The following CHRDL1 variants were observed in gnomAD, a reference collection of about 807,000 sequenced individuals.
CHRDL1 encodes the protein chordin like 1.
In CHRDL1, 19 loss-of-function variants were observed where a neutral mutation model predicts 40.9. That is an observed-to-expected ratio of 0.46 (90% CI 0.32 to 0.68). The LOEUF (loss-of-function observed/expected upper bound fraction) is 0.68, where lower values mean the gene tolerates loss of function less well. Among genes scored for constraint, CHRDL1 ranks in the 30% least tolerant of loss-of-function variants. The probability of loss-of-function intolerance (pLI) is 0.03; values close to 1 mark genes in which losing one functional copy is unlikely to be tolerated. For missense variants in CHRDL1, 329 were observed against 352.1 expected (o/e 0.93, Z 0.53); for synonymous variants, 136 against 123.4 (o/e 1.10, Z -0.68).
At chrX:110,686,006 C>A (rs189799078) in intron 9 of CHRDL1, among the ~76,000 whole-genome samples, 4 of 108,340 alleles carry the variant, frequency 3.7e-5, no homozygotes, top group Non-Finnish European at 5.7e-5. Context: ...CACTTCAGCC[C>A]TCAGCCTCCC....
intron 2 of CHRDL1, among the ~76,000 whole-genome samples, chrX:110,790,337 G>A (rs1174339290): frequency 1.8e-5 from 2 of 112,119 alleles, no homozygotes; most frequent in Non-Finnish European, 3.8e-5. Flanking sequence ...TATCAAAAGG[G>A]CTTGGGACAA....
At chrX:110,759,572 C>T (rs974000502) in intron 4 of CHRDL1, 89 bp downstream of exon 4, 1 of 676,727 alleles carries the variant, frequency 1.5e-6, no homozygotes, top group African/African-American at 2.1e-5. Context: ...TGGAAGTTTC[C>T]CTTCTGGGGA....
intron 2 of CHRDL1, among the ~76,000 whole-genome samples, chrX:110,779,493 A>C (rs2089906551): frequency 9.0e-6 from 1 of 111,701 alleles, no homozygotes; most frequent in South Asian, 3.7e-4. Context: ...TACTTTGTTA[A>C]AGATCAGTTG....
chrX:110,760,901 G>A (rs1197599064), intron 3 of CHRDL1, among the ~76,000 whole-genome samples: 2 of 111,062 alleles, frequency 1.8e-5, no homozygotes, highest in African/African-American at 3.3e-5. Flanking sequence ...TGAGATCACT[G>A]AAGCACATCA....
chrX:110,708,071 G>T (rs974152987), intron 6 of CHRDL1, among the ~76,000 whole-genome samples: 1 of 110,866 alleles, frequency 9.0e-6, no homozygotes, highest in Admixed American at 9.6e-5. Flanking sequence ...CATTAGAGAA[G>T]TGCAAATCAA....
At chrX:110,691,843 A>T (rs2070284720) in intron 8 of CHRDL1, among the ~76,000 whole-genome samples, 1 of 111,195 alleles carries the variant, frequency 9.0e-6, no homozygotes, top group Non-Finnish European at 1.9e-5. Flanking sequence ...TGGAGAGCTG[A>T]CACCTCAACT....
At chrX:110,728,807 A>G (rs1239415272) in intron 4 of CHRDL1, among the ~76,000 whole-genome samples, 2 of 111,926 alleles carry the variant, frequency 1.8e-5, no homozygotes, top group African/African-American at 6.5e-5. Context: ...AAGAGCATAC[A>G]TCCAGGATGC....
chrX:110,696,060 C>T (rs940660815), intron 7 of CHRDL1, among the ~76,000 whole-genome samples: 21 of 111,681 alleles, frequency 1.9e-4, no homozygotes, highest in Admixed American at 4.7e-4. Flanking sequence ...TTATAGGTTG[C>T]TCTGTCCTTT....
intron 4 of CHRDL1, among the ~76,000 whole-genome samples, chrX:110,725,247 G>A (rs1484639318): frequency 8.9e-6 from 1 of 111,891 alleles, no homozygotes; most frequent in Admixed American, 9.4e-5. Flanking sequence ...TATGATTTCC[G>A]GGATGCTCAG....
intron 3 of CHRDL1, among the ~76,000 whole-genome samples, chrX:110,760,702 T>A (rs997063394): frequency 1.8e-5 from 2 of 112,212 alleles, no homozygotes; most frequent in African/African-American, 6.5e-5. Context: ...CCAAATGATC[T>A]ATTTAATACA....
At chrX:110,698,789 G>C (rs113141413) in intron 7 of CHRDL1, among the ~76,000 whole-genome samples, 8,777 of 112,488 alleles carry the variant, frequency 0.078, 904 homozygotes, top group African/African-American at 0.27. Context: ...GGTGGCCATA[G>C]TGCTTAGTGT....
At chrX:110,713,956 T>C (rs2070790903) in intron 6 of CHRDL1, among the ~76,000 whole-genome samples, 1 of 110,758 alleles carries the variant, frequency 9.0e-6, no homozygotes, top group Non-Finnish European at 1.9e-5. Flanking sequence ...GAAGTGGAAA[T>C]GATCAATGGT....
At chrX:110,730,582 T>TTTA (rs1265795177) in intron 4 of CHRDL1, among the ~76,000 whole-genome samples, 101 of 110,776 alleles carry the variant, frequency 9.1e-4, no homozygotes, top group African/African-American at 3.2e-3. Context: ...TGTATTTTAT[T>TTTA]TTATTATTAT....
In CHRDL1 at chrX:110,689,488, ATCTC is replaced by A. The variant is rs1370435454; in HGVS notation, c.779-689_779-686del. 1.6e-4 allele frequency among the ~76,000 whole-genome samples: 8 copies of A among 49,695 alleles called. No homozygotes were observed. In the African/African-American group the frequency reaches 2.1e-3, roughly 13 times the overall value. The allele number at this position is 49,695 out of a possible 115,157, so 43.2% of individuals were successfully genotyped here. A position where few individuals can be genotyped will look rare whatever the true frequency, so the allele number is the denominator to read the frequency against. ...TATATCTATATATCTATATATCTAT[ATCTC>A]TATATATCTATATATCTATATCTCT... On this transcript the variant is annotated intron_variant, in intron 8 of 11. Coordinates refer to ENST00000372042, the MANE Select transcript of CHRDL1 (RefSeq NM_001143981.2).
chrX:110,784,775 G>A (rs994927666), intron 2 of CHRDL1, among the ~76,000 whole-genome samples: 3 of 111,585 alleles, frequency 2.7e-5, no homozygotes, highest in African/African-American at 9.8e-5. Flanking sequence ...AAAGAAGTTT[G>A]GCAGTCAAGC....
chrX:110,689,414 CTATATATA>C (rs1244452972), intron 8 of CHRDL1, among the ~76,000 whole-genome samples: 7 of 36,275 alleles, frequency 1.9e-4, no homozygotes, highest in African/African-American at 7.3e-4. Context: ...ATCTATATAT[CTATATATA>C]TCTATATATC....
chrX:110,707,420 C>A (rs761766007), intron 6 of CHRDL1, among the ~76,000 whole-genome samples: 1 of 111,823 alleles, frequency 8.9e-6, no homozygotes, highest in Admixed American at 9.5e-5. Context: ...ACCAAAACAG[C>A]ATGGTACTGG....
intron 8 of CHRDL1, among the ~76,000 whole-genome samples, chrX:110,689,887 CTATATATCTA>C (rs2070208559): frequency 6.7e-5 from 2 of 30,007 alleles, no homozygotes; most frequent in East Asian, 5.8e-4. Context: ...ATCTATATAT[CTATATATCTA>C]TATATATCTA....
intron 2 of CHRDL1, among the ~76,000 whole-genome samples, chrX:110,781,008 A>ATT (rs200243697): frequency 2.7e-5 from 3 of 109,735 alleles, no homozygotes; most frequent in African/African-American, 9.9e-5. Flanking sequence ...TTAGCAATAC[A>ATT]TTTTTTTTTG....
Sources: allele counts gnomAD v4.1 joint callset (sites outside exome capture counted in the v4.1 genomes callset), GRCh38; gene constraint gnomAD v4.1.1; transcripts MANE v1.5; gene names NCBI Gene and HGNC (gene_info 2026-07-23, HGNC 2026-07-21).